Variants in DNAJC17 observed in about 807,000 individuals in gnomAD.
DNAJC17 encodes DnaJ heat shock protein family (Hsp40) member C17, also known as dnaJ homolog subfamily C member 17.
In DNAJC17, 35 loss-of-function variants were observed where a neutral mutation model predicts 48.1. The ratio of observed to expected loss-of-function variants is 0.73; its 90% confidence interval spans 0.56 to 0.96. The LOEUF (loss-of-function observed/expected upper bound fraction) is 0.96. DNAJC17 is among the 50% of genes least tolerant of loss of function. DNAJC17 has a pLI of 0.00. For synonymous variants in DNAJC17, 117 were observed against 142.7 expected (o/e 0.82, Z 1.28); for missense variants, 355 against 377.1 (o/e 0.94, Z 0.48).
intron 1 of DNAJC17, among the ~76,000 whole-genome samples, chr15:40,801,946 G>A (rs1890087313): frequency 1.3e-5 from 2 of 152,064 alleles, no homozygotes; most frequent in African/African-American, 4.8e-5. Flanking sequence ...GGGGGCCTGG[G>A]CTGGAGCAGT....
chr15:40,767,870 C>CA lies in DNAJC17; in HGVS notation c.*69_*70insT. 1 of 1,556,196 alleles carries CA rather than the reference C, an allele frequency of 6.4e-7. No individual in the cohort carries two copies. Among genetic ancestry groups the CA allele is most frequent in the South Asian group, 1.2e-5 (1 of 85,950 alleles). ...CCTATGTATGGGATAGAGGTAAAAT[C>CA]TTAAAAAAAAAAAAAATTTATTGGT... On this transcript the variant is annotated 3_prime_UTR_variant, in exon 11 of 11. Coordinates refer to ENST00000220496, the MANE Select transcript of DNAJC17 (RefSeq NM_018163.3).
rs200173311 is a variant in DNAJC17 at position 40,806,948 on chromosome 15, TC to T, written c.78+420del. 1.8e-3 allele frequency: 548 copies of T among 309,594 alleles called. 5 individuals carry two copies. The East Asian group carries it at 0.028, about 16-fold the overall frequency. 19.2% of individuals were successfully genotyped at this position (309,594 alleles called of 1,614,324 possible). A position where few individuals can be genotyped will look rare whatever the true frequency, so the allele number is the denominator to read the frequency against. ...AAAAGGGAGTGGAGAGGCTTTGAGA[TC>T]TTACTTTTCTTTCGTTCTAGGCTCT... On this transcript the variant is annotated intron_variant, in intron 1 of 10. Transcript: ENST00000220496.
rs1889381269 is a variant in DNAJC17 at position 40,778,139 on chromosome 15, C to T, written c.295+1084G>A. Among the ~76,000 whole-genome samples the T allele has an allele frequency of 2.6e-5, 4 of 151,756 alleles. No individual in the cohort carries two copies. The Middle Eastern group carries it at 0.01, about 387-fold the overall frequency. The stretch of plus-strand genomic sequence containing the variant: ...CCCAGGAGTTTGAGGCTGCAGTGAG[C>T]CATGATGGTGCCACCCTAGCCTGGG... On this transcript the variant is annotated intron_variant, in intron 4 of 10. Transcript: ENST00000220496.
intron 1 of DNAJC17, among the ~76,000 whole-genome samples, chr15:40,804,139 T>TAA (rs1320546837): frequency 4.0e-5 from 6 of 150,714 alleles, no homozygotes; most frequent in Admixed American, 3.3e-4. Flanking sequence ...GCTTTTTTTT[T>TAA]TATATATAGA....
At position 40,765,978 on chromosome 15, in the gene DNAJC17, C is replaced by T. The variant is rs1888938563; in HGVS notation, c.*1962G>A. On this transcript the variant is annotated 3_prime_UTR_variant, in exon 11 of 11. Transcript: ENST00000220496. ...CTGCCAGCCCCTAGACCTGCCTCTG[C>T]TCCCTTTATACAACCTCCAAGCCCA... 1.2e-6 allele frequency: 1 copy of T among 855,390 alleles called. No homozygotes were observed. The highest frequency in any genetic ancestry group is 1.7e-5 in the South Asian group (1 of 57,184). The allele number at this position is 855,390 out of a possible 1,614,324, so 53.0% of individuals were successfully genotyped here.
intron 1 of DNAJC17, among the ~76,000 whole-genome samples, chr15:40,795,293 GA>G (rs1246733987): frequency 1.6e-5 from 2 of 127,914 alleles, no homozygotes; most frequent in African/African-American, 5.7e-5. Flanking sequence ...GGATGGAAGG[GA>G]GGGGGGAGGG....
intron 1 of DNAJC17, among the ~76,000 whole-genome samples, chr15:40,795,687 G>C (rs1192812611): frequency 6.6e-6 from 1 of 152,064 alleles, no homozygotes; most frequent in Non-Finnish European, 1.5e-5. Context: ...ACAAGGTCAG[G>C]AGTTCAAGAC....
intron 10 of DNAJC17, chr15:40,771,009 G>A (rs1269530612): frequency 3.2e-5 from 50 of 1,550,550 alleles, no homozygotes; most frequent in East Asian, 4.9e-5. Context: ...GTTTCCTAGC[G>A]AGCCCAGCTT....
chr15:40,774,282 G>A, intron 9 of DNAJC17, 74 bp downstream of exon 9: 2 of 1,527,768 alleles, frequency 1.3e-6, no homozygotes, highest in Non-Finnish European at 9.0e-7. Context: ...CTAACTCAGA[G>A]GGCCCACAGA....
Position 40,770,306 on chromosome 15 carries a change from C to A in DNAJC17, c.793-2244G>T. The A allele has an allele frequency of 3.3e-6, 2 of 614,290 alleles. No individual in the cohort carries two copies. Among genetic ancestry groups the A allele is most frequent in the Non-Finnish European group, 5.6e-6 (2 of 356,144 alleles). 38.1% of individuals were successfully genotyped at this position (614,290 alleles called of 1,614,324 possible). The stretch of plus-strand genomic sequence containing the variant: ...ACTCCCAGCTGTCTGCTCTCCTGGG[C>A]AAAAAAGTTCCTTCTTCCTGAGCCC... On this transcript the variant is annotated intron_variant, in intron 10 of 10. Transcript: ENST00000220496. The surrounding 1 kb of genome is among the most constrained non-coding windows in gnomAD (Gnocchi z 5.0).
Position 40,767,804 on chromosome 15 carries a change from G to T in DNAJC17, c.*136C>A. 7.5e-7 allele frequency: 1 copy of T among 1,325,886 alleles called. No homozygotes were observed. The highest frequency in any genetic ancestry group is 1.0e-6 in the Non-Finnish European group (1 of 991,226). 82.1% of individuals were successfully genotyped at this position (1,325,886 alleles called of 1,614,324 possible). ...GCCCACTTCCTGGGAGGGGCGCCAG[G>T]CCTGGGTGGAGCGCTCTGCGGCAGA... On this transcript the variant is annotated 3_prime_UTR_variant, in exon 11 of 11. Coordinates refer to ENST00000220496, the MANE Select transcript of DNAJC17 (RefSeq NM_018163.3).
chr15:40,767,960 G>A lies in DNAJC17; in HGVS notation c.895C>T (p.Gln299Ter). The A allele has an allele frequency of 6.2e-7, 1 of 1,613,030 alleles. No homozygotes were observed. Reference sequence around the variant, plus strand: ...TGGGGCTACGTAGGCGGCCCCTCCTGGTCTTCCTGCTGCATCCGTGCGATC... The same window carrying A: ...TGGGGCTACGTAGGCGGCCCCTCCTAGTCTTCCTGCTGCATCCGTGCGATC... Reference protein sequence around the residue: ...QLIARMQQEDQEGPPT With the variant: ...QLIARMQQED Residue 299 changes from glutamine to a stop codon, truncating the protein, a stop_gained, in exon 11 of 11, where the codon CAG becomes TAG. Coordinates refer to ENST00000220496, the MANE Select transcript of DNAJC17 (RefSeq NM_018163.3). LOFTEE classifies it high-confidence loss of function.
intron 1 of DNAJC17, among the ~76,000 whole-genome samples, chr15:40,798,804 C>A (rs1216102058): frequency 1.3e-5 from 2 of 152,174 alleles, no homozygotes; most frequent in Non-Finnish European, 2.9e-5. Context: ...TGCAGTCACT[C>A]AGGTAATTCC....
chr15:40,783,970 T>C, intron 1 of DNAJC17, among the ~76,000 whole-genome samples: 1 of 152,190 alleles, frequency 6.6e-6, no homozygotes, highest in East Asian at 1.9e-4. Flanking sequence ...CTCACGCCTG[T>C]AATCCCAGCA....
intron 1 of DNAJC17, among the ~76,000 whole-genome samples, chr15:40,785,510 C>A (rs751404299): frequency 9.9e-5 from 15 of 152,186 alleles, no homozygotes; most frequent in Non-Finnish European, 1.8e-4. Flanking sequence ...ACACACAGGG[C>A]TGCTGGAAGG....
At chr15:40,806,220 C>CTTT (rs34520548) in intron 1 of DNAJC17, among the ~76,000 whole-genome samples, 18 of 122,884 alleles carry the variant, frequency 1.5e-4, no homozygotes, top group African/African-American at 4.0e-4. Flanking sequence ...TTTTTTTTTC[C>CTTT]TTTTTTTTTT....
At chr15:40,768,136 C>G in intron 10 of DNAJC17, 74 bp from the exon 11 acceptor site, 2 of 1,448,920 alleles carry the variant, frequency 1.4e-6, no homozygotes, top group South Asian at 2.9e-5. Context: ...AGTACGGTGC[C>G]GAGGCAGTGC....
At chr15:40,780,091 A>C in intron 1 of DNAJC17, 94 bp from the exon 2 acceptor site, 2 of 1,241,794 alleles carry the variant, frequency 1.6e-6, no homozygotes, top group East Asian at 4.8e-5. Context: ...TCCCATGCAC[A>C]CCTAAAAGAG....
At chr15:40,798,275 T>C (rs910243886) in intron 1 of DNAJC17, among the ~76,000 whole-genome samples, 25 of 152,140 alleles carry the variant, frequency 1.6e-4, no homozygotes, top group African/African-American at 6.0e-4. Context: ...TCCATTTATA[T>C]GAGGTTCATA....
Sources: gnomAD v4.1 joint callset for allele counts (sites outside exome capture counted in the v4.1 genomes callset) on GRCh38, gnomAD v4.1.1 for gene constraint, Gnocchi (gnomAD v3.1) non-coding constraint, MANE v1.5 for transcripts, NCBI Gene and HGNC (gene_info 2026-07-23, HGNC 2026-07-21) for gene names.